Variants in KRT86 observed in about 807,000 individuals in gnomAD.
KRT86 encodes the protein keratin, type II cuticular Hb6.
A neutral mutation model predicts 41.2 loss-of-function variants in KRT86; 30 were observed. The ratio of observed to expected loss-of-function variants is 0.73; its 90% CI spans 0.54 to 0.99. The LOEUF is 0.99. Among genes scored for constraint, KRT86 ranks in the 50% least tolerant of loss-of-function variants. KRT86 has a pLI of 0.00. For missense variants in KRT86, 561 were observed against 571.4 expected, an observed-to-expected ratio of 0.98 and a Z score of 0.19; for synonymous variants, 238 against 238.1, an observed-to-expected ratio of 1.00 and a Z score of 0.00.
intron 2 of KRT86, chr12:52,291,619 T>A: frequency 8.0e-7 from 1 of 1,243,012 alleles, no homozygotes; most frequent in Non-Finnish European, 1.1e-6. Flanking sequence ...AATTTGCGCT[T>A]TATGGGCTTG....
At chr12:52,293,919 A>G (rs1231280199) in intron 2 of KRT86, among the ~76,000 whole-genome samples, 1 of 152,208 alleles carries the variant, frequency 6.6e-6, no homozygotes, top group Non-Finnish European at 1.5e-5. Context: ...GAATGAGAAC[A>G]GAAGCAGGAT....
chr12:52,300,442 T>C (rs1159696041), intron 2 of KRT86, among the ~76,000 whole-genome samples: 1 of 152,210 alleles, frequency 6.6e-6, no homozygotes, highest in Non-Finnish European at 1.5e-5. Flanking sequence ...TGCTCTGTGC[T>C]CTGGAGTCCA....
At chr12:52,291,215 T>C (rs1938106373) in intron 2 of KRT86, 11 of 1,456,090 alleles carry the variant, frequency 7.6e-6, no homozygotes, top group East Asian at 2.5e-5. Context: ...GAGGCTCTCG[T>C]TGACCGACAC....
chr12:52,280,668 A>G (rs934203477), intron 2 of KRT86, among the ~76,000 whole-genome samples: 1 of 152,228 alleles, frequency 6.6e-6, no homozygotes, highest in Non-Finnish European at 1.5e-5. Flanking sequence ...GGTAGGGGGC[A>G]TGACCCCACT....
intron 2 of KRT86, 63 bp from the exon 3 acceptor site, chr12:52,301,850 C>G: frequency 1.2e-6 from 2 of 1,613,410 alleles, no homozygotes; most frequent in Non-Finnish European, 8.5e-7. Flanking sequence ...GCCTGACGCC[C>G]CGACCACTGT....
At chr12:52,285,606 G>A (rs1420554255) in intron 2 of KRT86, among the ~76,000 whole-genome samples, 1 of 152,152 alleles carries the variant, frequency 6.6e-6, no homozygotes, top group African/African-American at 2.4e-5. Context: ...GAGCACTAGC[G>A]ACACACACAG....
At chr12:52,288,346 C>G in intron 2 of KRT86, 6 of 1,613,804 alleles carry the variant, frequency 3.7e-6, no homozygotes, top group Non-Finnish European at 5.1e-6. Context: ...TTCTGTCTGG[C>G]CCCTGAGCCC....
Position 52,308,662 on chromosome 12 carries a change from C to T in KRT86, c.*77C>T, listed in dbSNP as rs904103779. 2.1e-6 allele frequency: 3 copies of T among 1,426,540 alleles called. No homozygotes were observed. The African/African-American group carries it at 4.2e-5, about 20-fold the overall frequency. The allele number at this position is 1,426,540 out of a possible 1,614,324, so 88.4% of individuals were successfully genotyped here. The stretch of plus-strand genomic sequence containing the variant: ...TACCTCGCGCCACCAGAACGCGCCG[C>T]CCGCGCCGGCCTCCCAATAGCCGCC... On this transcript the variant is annotated 3_prime_UTR_variant, in exon 11 of 11. Coordinates refer to ENST00000423955, the MANE Select transcript of KRT86 (RefSeq NM_001320198.2).
At position 52,303,301 on chromosome 12, in the gene KRT86, A is replaced by G; in HGVS notation, c.571A>G (p.Lys191Glu). Residue 191 changes from lysine to glutamate, a missense_variant, in exon 4 of 11, where the codon AAG becomes GAG. Physicochemically the swap from Lys to Glu is moderately conservative, Grantham distance 56 (BLOSUM62 1). Transcript: ENST00000423955. Reference sequence around the variant, plus strand: ...CGTGCAGGAGGTGCTGGAGGGCTACAAGAAGAAGTGAGTGCGGGCAAGAGG... The same window carrying G: ...CGTGCAGGAGGTGCTGGAGGGCTACGAGAAGAAGTGAGTGCGGGCAAGAGG... The part of the protein sequence containing the change: ...NHVQEVLEGY[K>E]KKYEEEVSLR... 2.6e-6 allele frequency: 1 copy of G among 383,884 alleles called. No individual in the cohort carries two copies. The allele number at this position is 383,884 out of a possible 1,614,324, so 23.8% of individuals were successfully genotyped here.
chr12:52,282,426 C>T (rs1484782033), intron 2 of KRT86, among the ~76,000 whole-genome samples: 1 of 151,816 alleles, frequency 6.6e-6, no homozygotes, highest in East Asian at 1.9e-4. Flanking sequence ...TTAGTAGAGA[C>T]GATGTTTCTC....
intron 5 of KRT86, among the ~76,000 whole-genome samples, chr12:52,304,610 G>A (rs1938458010): frequency 6.6e-6 from 1 of 151,790 alleles, no homozygotes; most frequent in South Asian, 2.1e-4. Flanking sequence ...AGCACTGCTG[G>A]GGGACAGGAA....
intron 2 of KRT86, among the ~76,000 whole-genome samples, chr12:52,280,184 T>C (rs1051505806): frequency 6.6e-6 from 1 of 152,210 alleles, no homozygotes; most frequent in African/African-American, 2.4e-5. Context: ...CAACACACTA[T>C]GGTGGAGGAA....
At chr12:52,307,098 G>C (rs1938536543) in intron 9 of KRT86, 1 of 152,254 alleles carries the variant, frequency 6.6e-6, no homozygotes, top group Non-Finnish European at 1.5e-5. Flanking sequence ...GGAGGGTGAA[G>C]GTTGGGGATG....
chr12:52,279,066 C>CGGA (rs1316216413), intron 2 of KRT86: 1 of 152,354 alleles, frequency 6.6e-6, no homozygotes, highest in Non-Finnish European at 1.5e-5. Context: ...TTTCCTCCCT[C>CGGA]GGACAGTCGT....
At chr12:52,281,807 T>C (rs1035018485) in intron 2 of KRT86, among the ~76,000 whole-genome samples, 4 of 152,198 alleles carry the variant, frequency 2.6e-5, no homozygotes, top group Admixed American at 1.3e-4. Context: ...GGCAGGATTA[T>C]AGCTCACTGC....
At chr12:52,286,619 G>T in intron 2 of KRT86, 2 of 1,211,670 alleles carry the variant, frequency 1.7e-6, no homozygotes, top group Non-Finnish European at 2.4e-6. Flanking sequence ...GACAATTCTA[G>T]GTCCATCTAG....
At chr12:52,283,205 A>C (rs11170071) in intron 2 of KRT86, among the ~76,000 whole-genome samples, 39,500 of 150,928 alleles carry the variant, frequency 0.26, 5,905 homozygotes, top group East Asian at 0.4. Context: ...ACCAGCCTGG[A>C]CAATAAGGTG....
chr12:52,291,455 C>T (rs757588620), intron 2 of KRT86: 15 of 1,612,844 alleles, frequency 9.3e-6, no homozygotes, highest in Admixed American at 1.7e-5. Context: ...AAATCCTGAT[C>T]CGCAGGTCAT....
At chr12:52,301,203 C>T (rs1938364679) in intron 2 of KRT86, among the ~76,000 whole-genome samples, 1 of 150,804 alleles carries the variant, frequency 6.6e-6, no homozygotes. Flanking sequence ...CATGTGAGTG[C>T]ATTGTGTGTG....
Sources: allele counts gnomAD v4.1 joint callset (sites outside exome capture counted in the v4.1 genomes callset), GRCh38; gene constraint gnomAD v4.1.1; transcripts MANE v1.5; gene names NCBI Gene and HGNC (gene_info 2026-07-23, HGNC 2026-07-21).